Variants in LAMA5 observed in about 807,000 individuals in gnomAD.
LAMA5 encodes laminin subunit alpha 5.
LAMA5 carries 260 observed loss-of-function variants against 433.4 expected under a neutral mutation model. The ratio of observed to expected loss-of-function variants is 0.60; its 90% confidence interval spans 0.54 to 0.66. LAMA5 has a LOEUF of 0.66. Among genes scored for constraint, LAMA5 ranks in the 30% least tolerant of loss-of-function variants. The probability of loss-of-function intolerance (pLI) is 0.00; values close to 1 mark genes in which losing one functional copy is unlikely to be tolerated. For synonymous variants in LAMA5, 2,620 were observed against 2,226.6 expected, an observed-to-expected ratio of 1.18 and a Z score of -4.97; for missense variants, 5,378 against 5,258.5, an observed-to-expected ratio of 1.02 and a Z score of -0.70.
chr20:62,354,023 C>A (rs947827522), intron 2 of LAMA5, among the ~76,000 whole-genome samples: 5 of 152,146 alleles, frequency 3.3e-5, no homozygotes, highest in Admixed American at 2.0e-4. Flanking sequence ...CAGAGGAAAG[C>A]TGCTCCTTCC....
intron 2 of LAMA5, among the ~76,000 whole-genome samples, chr20:62,361,202 C>T (rs932081205): frequency 1.3e-5 from 2 of 151,998 alleles, no homozygotes; most frequent in South Asian, 2.1e-4. Context: ...GAGTCAGATG[C>T]GGGGAAACCC....
chr20:62,316,922 G>A lies in LAMA5; in HGVS notation c.7613C>T (p.Ala2538Val), dbSNP rs774735959. The A allele has an allele frequency of 5.2e-6, 8 of 1,549,486 alleles. No individual in the cohort carries two copies. The Admixed American group carries it at 1.4e-4, about 26-fold the overall frequency. The stretch of plus-strand genomic sequence containing the variant: ...CGCCTGCTGCAGGGCCTGGCCAGCA[G>A]CATCCTCGGCAGCCTGCACGGCCTG... ...ILQAVQAAED[A>V]AGQALQQADH... The change falls in exon 56 of 80, where the codon GCT (alanine) becomes GTT (valine). Residue 2538 changes from alanine to valine, a missense_variant. Transcript: ENST00000252999.
In LAMA5 at chr20:62,329,001, G is replaced by A. The variant is rs960209229; in HGVS notation, c.4290C>T (p.Phe1430=). The change falls in exon 34 of 80, where the codon TTC becomes TTT. Residue 1430 remains phenylalanine, a synonymous_variant. Coordinates refer to ENST00000252999, the MANE Select transcript of LAMA5 (RefSeq NM_005560.6). ...CRNAAASLSL[F]YNNGARPCGC... is the part of the protein sequence containing the mutation. ...CACATGGACGGGCTCCGTTGTTATAGAAGAGGGAGAGGGAAGCAGCAGCGT... is the reference window on the plus strand; with the variant it reads ...CACATGGACGGGCTCCGTTGTTATAAAAGAGGGAGAGGGAAGCAGCAGCGT... 14 of 1,612,576 alleles carry A rather than the reference G, an allele frequency of 8.7e-6. No individual in the cohort carries two copies. The highest frequency in any genetic ancestry group is 9.3e-6 in the Non-Finnish European group (11 of 1,179,874).
chr20:62,320,413 G>A (rs1339775218), intron 50 of LAMA5, 146 bp downstream of exon 50: 8 of 611,210 alleles, frequency 1.3e-5, no homozygotes, highest in East Asian at 2.8e-5. Context: ...CAGTGACTTG[G>A]TCAACCCCTA....
chr20:62,354,965 G>A (rs549821368), intron 2 of LAMA5, among the ~76,000 whole-genome samples: 4 of 152,336 alleles, frequency 2.6e-5, no homozygotes, highest in African/African-American at 4.8e-5. Context: ...CCCGGGTGCC[G>A]GGGGAGAGAG....
intron 11 of LAMA5, among the ~76,000 whole-genome samples, chr20:62,344,851 A>G (rs1983110752): frequency 6.6e-6 from 1 of 152,152 alleles, no homozygotes; most frequent in Non-Finnish European, 1.5e-5. Flanking sequence ...ATACTTCATT[A>G]GTCCCTATGA....
intron 2 of LAMA5, 46 bp downstream of exon 2, chr20:62,362,352 GCA>G (rs1423606701): frequency 1.4e-6 from 2 of 1,416,258 alleles, no homozygotes; most frequent in African/African-American, 1.5e-5. Flanking sequence ...GGCCCGACGG[GCA>G]CAGACACAGA....
chr20:62,320,501 A>C, intron 50 of LAMA5, 58 bp downstream of exon 50: 3 of 1,314,940 alleles, frequency 2.3e-6, no homozygotes, highest in Admixed American at 2.0e-5. Context: ...GGACAAGCGA[A>C]CCGCGGGGAA....
chr20:62,315,407 C>T (rs1481527561), intron 58 of LAMA5, among the ~76,000 whole-genome samples, 200 bp from the exon 59 acceptor site: 1 of 152,146 alleles, frequency 6.6e-6, no homozygotes, highest in East Asian at 1.9e-4. Context: ...CCAGGACAGG[C>T]ACCCAGCCTC....
At chr20:62,344,744 C>A (rs6142737) in intron 11 of LAMA5, among the ~76,000 whole-genome samples, 2 of 151,596 alleles carry the variant, frequency 1.3e-5, no homozygotes, top group African/African-American at 4.8e-5. Context: ...CCACTGTGCC[C>A]GGCCAGTTTT....
In LAMA5 at chr20:62,312,954, A is replaced by G. The variant is rs772445996; in HGVS notation, c.9012T>C (p.Phe3004=). ...GGACGGCCTTTTTCAGGCCAGCCCC[A>G]AAGTCATACAACAGCACGAGGCTGC... The part of the protein sequence containing the change: ...QEGSLVLLYD[F]GAGLKKAVPL... The change falls in exon 66 of 80, where the codon TTT becomes TTC. Residue 3004 remains phenylalanine (F), a synonymous_variant. Coordinates refer to ENST00000252999, the MANE Select transcript of LAMA5 (RefSeq NM_005560.6). 1.7e-5 allele frequency: 27 copies of G among 1,582,784 alleles called. No homozygotes were observed. In the East Asian group the frequency reaches 4.5e-4, roughly 26 times the overall value.
chr20:62,331,790 G>A (rs551441715), intron 28 of LAMA5, among the ~76,000 whole-genome samples: 1 of 152,228 alleles, frequency 6.6e-6, no homozygotes, highest in African/African-American at 2.4e-5. Context: ...GGTGGCTCCT[G>A]TCTGTAATCC....
At chr20:62,356,879 C>G (rs1024006553) in intron 2 of LAMA5, among the ~76,000 whole-genome samples, 1 of 152,226 alleles carries the variant, frequency 6.6e-6, no homozygotes, top group Non-Finnish European at 1.5e-5. Context: ...CAGCAGCCAC[C>G]CCGCAGAGAC....
chr20:62,309,965 C>T (rs1221913290), intron 78 of LAMA5, 23 bp downstream of exon 78: 1 of 1,608,154 alleles, frequency 6.2e-7, no homozygotes, highest in Non-Finnish European at 8.5e-7. Flanking sequence ...GGCAGAGTGC[C>T]CTGGCCACAG....
At chr20:62,332,299 T>TC (rs1980615987) in intron 28 of LAMA5, 73 bp downstream of exon 28, 1 of 1,096,294 alleles carries the variant, frequency 9.1e-7, no homozygotes, top group Non-Finnish European at 1.4e-6. Context: ...AACTGTCCTC[T>TC]CCCCTCTCAT....
At position 62,337,686 on chromosome 20, in the gene LAMA5, C is replaced by G. The variant is rs965606795; in HGVS notation, c.2068G>C (p.Asp690His). 6.2e-7 allele frequency: 1 copy of G among 1,611,592 alleles called. No homozygotes were observed. The highest frequency in any genetic ancestry group is 8.5e-7 in the Non-Finnish European group (1 of 1,179,376). The change falls in exon 16 of 80, where the codon GAC becomes CAC. Residue 690 changes from aspartate to histidine, a missense_variant. Physicochemically the swap from Asp to His is moderately conservative, Grantham distance 81. Coordinates refer to ENST00000252999, the MANE Select transcript of LAMA5 (RefSeq NM_005560.6). ...SAEGSLHAAC[D>H]PRSGQCSCRP... ...CAGCTGCACTGCCCACTCCGGGGGT[C>G]ACAGGCTGCGTGCAGGGAGCCTTCA...
intron 11 of LAMA5, among the ~76,000 whole-genome samples, chr20:62,340,768 C>T (rs6143029): frequency 0.19 from 29,560 of 151,792 alleles, 2,988 homozygotes; most frequent in African/African-American, 0.22. Flanking sequence ...GGCGCAGTGG[C>T]TCATGCCTGT....
At chr20:62,325,290 G>C (rs374422044) in intron 41 of LAMA5, 26 bp downstream of exon 41, 1 of 1,479,976 alleles carries the variant, frequency 6.8e-7, no homozygotes, top group African/African-American at 1.4e-5. Flanking sequence ...GAGCCGCCTC[G>C]CAGTCTGGTG....
Position 62,334,276 on chromosome 20 carries a change from T to A in LAMA5, c.2649A>T (p.Thr883=), listed in dbSNP as rs1788483593. 1 of 1,612,122 alleles carries A rather than the reference T, an allele frequency of 6.2e-7. No individual in the cohort carries two copies. Among genetic ancestry groups the A allele is most frequent in the South Asian group, 1.1e-5 (1 of 90,928 alleles). ...CAAAGCGCACGGCGTGACCCTCAGGTGTGGCAGCCTCCTCCAGCTCCAGGC... is the reference window on the plus strand; with the variant it reads ...CAAAGCGCACGGCGTGACCCTCAGGAGTGGCAGCCTCCTCCAGCTCCAGGC... ...HLRLELEEAA[T]PEGHAVRFGF... Residue 883 remains threonine, a synonymous_variant, in exon 22 of 80, where the codon ACA becomes ACT. Transcript: ENST00000252999.
Sources: allele counts gnomAD v4.1 joint callset (sites outside exome capture counted in the v4.1 genomes callset), GRCh38; gene constraint gnomAD v4.1.1; transcripts MANE v1.5; gene names NCBI Gene and HGNC (gene_info 2026-07-23, HGNC 2026-07-21).